Variants in RAD51 observed in about 807,000 individuals in gnomAD.
RAD51 encodes the protein DNA repair protein RAD51 homolog 1.
In RAD51, 14 loss-of-function variants were observed where a neutral mutation model predicts 41.5. That is an observed-to-expected ratio of 0.34 (90% confidence interval 0.22 to 0.53). The LOEUF (loss-of-function observed/expected upper bound fraction) is 0.53. Ranked by LOEUF, RAD51 falls within the 20% of genes least tolerant of loss-of-function variation. The pLI, the probability that RAD51 is intolerant of heterozygous loss-of-function variation, is 0.95. For missense variants in RAD51, 234 were observed against 422.0 expected, an observed-to-expected ratio of 0.55 and a Z score of 3.90; for synonymous variants, 136 against 148.6, an observed-to-expected ratio of 0.92 and a Z score of 0.62.
rs60375696 is a variant in RAD51 at position 40,729,372 on chromosome 15, CAAAAAAAA to C, written c.645-115_645-108del. On this transcript the variant is annotated intron_variant, in intron 7 of 9. Coordinates refer to ENST00000267868, the MANE Select transcript of RAD51 (RefSeq NM_002875.5). ...TGGGCGACAGAGCTAGACTCCATCT[CAAAAAAAA>C]AAAAAAAAAAAAAAAAATCTGTATA... 1,261 of 484,108 alleles carry C rather than the reference CAAAAAAAA, an allele frequency of 2.6e-3. 2 individuals are homozygous for C. The highest frequency in any genetic ancestry group is 5.6e-3 in the African/African-American group (149 of 26,814). 30.0% of individuals were successfully genotyped at this position (484,108 alleles called of 1,614,324 possible). A position where few individuals can be genotyped will look rare whatever the true frequency, so the allele number is the denominator to read the frequency against.
At chr15:40,699,343 A>C (rs1894843086) in intron 2 of RAD51, among the ~76,000 whole-genome samples, 2 of 152,216 alleles carry the variant, frequency 1.3e-5, no homozygotes, top group Non-Finnish European at 2.9e-5. Context: ...GGGTTTCTCC[A>C]TGTTGGTCAG....
Position 40,698,738 on chromosome 15 carries a change from A to G in RAD51, c.-2-19A>G, listed in dbSNP as rs186119170. On this transcript the variant is annotated intron_variant, in intron 1 of 9. Transcript: ENST00000267868. ...TTATTTCTCTAGTGTTTATACTGATAAGCATTTGTATTTTTCAGTAATGGC... is the reference window on the plus strand; with the variant it reads ...TTATTTCTCTAGTGTTTATACTGATGAGCATTTGTATTTTTCAGTAATGGC... The G allele has an allele frequency of 8.2e-4, 1,319 of 1,601,200 alleles. 3 individuals are homozygous for G. Among genetic ancestry groups the G allele is most frequent in the South Asian group, 1.7e-3 (152 of 90,842 alleles).
intron 1 of RAD51, among the ~76,000 whole-genome samples, chr15:40,698,502 G>C (rs896675406): frequency 6.6e-6 from 1 of 152,100 alleles, no homozygotes; most frequent in East Asian, 1.9e-4. Context: ...AACTTTTTTA[G>C]ATTCTACATA....
chr15:40,701,084 C>T lies in RAD51; in HGVS notation c.108C>T (p.Asn36=), dbSNP rs201437876. 36 of 1,614,000 alleles carry T rather than the reference C, an allele frequency of 2.2e-5. No homozygotes were observed. The highest frequency in any genetic ancestry group is 9.3e-5 in the African/African-American group (7 of 74,908). Residue 36 remains asparagine, a synonymous_variant, in exon 3 of 10, where the codon AAC becomes AAT. Transcript: ENST00000267868. ...TGCAGCAGTGTGGCATAAATGCCAA[C>T]GATGTGAAGAAATTGGAAGAAGCTG... The part of the protein sequence containing the change: ...SRLEQCGINA[N]DVKKLEEAGF...
At chr15:40,724,107 A>G (rs1002653909) in intron 6 of RAD51, among the ~76,000 whole-genome samples, 3 of 152,216 alleles carry the variant, frequency 2.0e-5, no homozygotes, top group Non-Finnish European at 2.9e-5. Flanking sequence ...TTGAATGTAT[A>G]CCACTGAAGC....
At chr15:40,710,591 T>C (rs186026064) in intron 5 of RAD51, among the ~76,000 whole-genome samples, 1 of 151,934 alleles carries the variant, frequency 6.6e-6, no homozygotes, top group East Asian at 1.9e-4. Flanking sequence ...TTCTTGGCAG[T>C]CTACTTTCTC....
chr15:40,724,916 A>G (rs1596018177), intron 6 of RAD51, among the ~76,000 whole-genome samples: 1 of 106,276 alleles, frequency 9.4e-6, no homozygotes, highest in Non-Finnish European at 1.8e-5. Flanking sequence ...TTTTTGAGAC[A>G]GAGTCTCGCT....
intron 7 of RAD51, 47 bp from the exon 8 acceptor site, chr15:40,729,458 C>T: frequency 6.4e-7 from 1 of 1,566,246 alleles, no homozygotes; most frequent in Non-Finnish European, 8.7e-7. Flanking sequence ...GGACCAGAAT[C>T]TGACACAGGC....
intron 6 of RAD51, 100 bp downstream of exon 6, chr15:40,718,999 C>A: frequency 1.9e-6 from 2 of 1,072,390 alleles, no homozygotes; most frequent in Non-Finnish European, 2.9e-6. Context: ...TATAACCCCA[C>A]GTCCCAAAGT....
intron 6 of RAD51, among the ~76,000 whole-genome samples, chr15:40,724,889 A>ATTTTTTTTT (rs34086110): frequency 3.6e-3 from 199 of 55,312 alleles, no homozygotes; most frequent in Non-Finnish European, 4.2e-3. Context: ...ATTTTTTTTA[A>ATTTTTTTTT]TTTTTTTTTT....
intron 4 of RAD51, among the ~76,000 whole-genome samples, chr15:40,706,904 G>A (rs1367308284): frequency 6.6e-6 from 1 of 152,206 alleles, no homozygotes. Flanking sequence ...AAAACCTGAT[G>A]ACTGGTTAAA....
intron 3 of RAD51, among the ~76,000 whole-genome samples, chr15:40,704,823 C>T (rs756921028): frequency 1.4e-4 from 21 of 151,924 alleles, no homozygotes; most frequent in Non-Finnish European, 1.2e-4. Flanking sequence ...GCGCGTGCCA[C>T]CACGCCCGGC....
intron 7 of RAD51, among the ~76,000 whole-genome samples, chr15:40,729,259 G>A (rs1364837403): frequency 6.6e-6 from 1 of 150,726 alleles, no homozygotes; most frequent in East Asian, 2.0e-4. Context: ...TGTAGTCCCA[G>A]CTACTCCGGA....
intron 2 of RAD51, 141 bp downstream of exon 2, chr15:40,698,986 C>G (rs905455671): frequency 5.9e-5 from 48 of 810,328 alleles, no homozygotes; most frequent in Middle Eastern, 2.6e-4. Context: ...TGTCAATAAT[C>G]CTGTGGAAAG....
intron 5 of RAD51, among the ~76,000 whole-genome samples, chr15:40,712,219 C>T (rs989532054): frequency 3.3e-5 from 5 of 152,038 alleles, no homozygotes; most frequent in African/African-American, 7.2e-5. Flanking sequence ...TAAAGGGCAG[C>T]GCTTGATGAC....
At chr15:40,712,352 T>G (rs920980635) in intron 5 of RAD51, among the ~76,000 whole-genome samples, 2 of 152,178 alleles carry the variant, frequency 1.3e-5, no homozygotes, top group African/African-American at 2.4e-5. Context: ...GATGACAGGT[T>G]TGAGGTGACA....
chr15:40,700,387 A>G (rs1397486111), intron 2 of RAD51, among the ~76,000 whole-genome samples: 13 of 152,240 alleles, frequency 8.5e-5, no homozygotes, highest in Middle Eastern at 3.2e-3. Flanking sequence ...AAGTATTGAC[A>G]GGCCAAGATA....
intron 6 of RAD51, among the ~76,000 whole-genome samples, chr15:40,726,277 CTT>C (rs1361089778): frequency 1.0e-4 from 14 of 137,412 alleles, no homozygotes; most frequent in African/African-American, 1.6e-4. Flanking sequence ...GAGTTTCACT[CTT>C]GTCTCCCAGG....
intron 5 of RAD51, among the ~76,000 whole-genome samples, chr15:40,713,875 G>T (rs2141847373): frequency 6.6e-6 from 1 of 152,126 alleles, no homozygotes; most frequent in South Asian, 2.1e-4. Context: ...CAAAATGCTG[G>T]GATTACAGGT....
Sources: gnomAD v4.1 joint callset for allele counts (sites outside exome capture counted in the v4.1 genomes callset) on GRCh38, gnomAD v4.1.1 for gene constraint, MANE v1.5 for transcripts, NCBI Gene and HGNC (gene_info 2026-07-23, HGNC 2026-07-21) for gene names.